Variants in CDKL3 observed in about 807,000 individuals in gnomAD.
CDKL3 encodes the protein cyclin dependent kinase like 3, also known as cyclin-dependent kinase-like 3.
In CDKL3, 65 loss-of-function variants were observed where a neutral mutation model predicts 69.3. That is an observed-to-expected ratio of 0.94 (90% CI 0.77 to 1.15). The LOEUF is 1.15. Among genes scored for constraint, CDKL3 ranks in the 50% most tolerant of loss-of-function variants. The pLI is 0.00. For synonymous variants in CDKL3, 202 were observed against 221.6 expected (o/e 0.91, Z 0.79); for missense variants, 652 against 689.2 (o/e 0.95, Z 0.61).
At chr5:134,294,689 G>C (rs1047788660), downstream of CDKL3, among the ~76,000 whole-genome samples, 3 of 151,806 alleles carry the variant, frequency 2.0e-5, no homozygotes, top group African/African-American at 7.3e-5. Context: ...AAGGAAGGAA[G>C]GGAGGGAGTC....
rs1389779307 is a variant in CDKL3 at position 134,340,105 on chromosome 5, G to A, written c.539+10144C>T. On this transcript the variant is annotated intron_variant, in intron 4 of 12. Coordinates refer to ENST00000265334, the MANE Select transcript of CDKL3 (RefSeq NM_001113575.2). ...GGAAGTCAAGGCTGCAGTGATCCGA[G>A]ATCACACCACTGCATTCCAGCCTGA... is the stretch of plus-strand genomic sequence containing the variant. Among the ~76,000 whole-genome samples, 5 of 152,080 alleles carry A rather than the reference G, an allele frequency of 3.3e-5. No homozygotes were observed. In the East Asian group the frequency reaches 9.7e-4, roughly 29 times the overall value.
At chr5:134,335,637 T>C (rs999911206) in intron 4 of CDKL3, among the ~76,000 whole-genome samples, 3 of 152,140 alleles carry the variant, frequency 2.0e-5, no homozygotes, top group Admixed American at 6.6e-5. Flanking sequence ...TATAAGAACG[T>C]TGAATATTGG....
intron 12 of CDKL3, chr5:134,302,174 T>C (rs748251124): frequency 4.4e-6 from 2 of 456,188 alleles, no homozygotes; most frequent in South Asian, 1.5e-5. Context: ...TTTGTGAAAA[T>C]AGGACAGCAG....
intron 12 of CDKL3, among the ~76,000 whole-genome samples, chr5:134,301,693 A>C (rs1766378231): frequency 6.6e-6 from 1 of 152,078 alleles, no homozygotes. Flanking sequence ...CATCCTGGCT[A>C]ACACAGTGAA....
chr5:134,314,225 T>C (rs1770391946), intron 6 of CDKL3, among the ~76,000 whole-genome samples: 1 of 152,158 alleles, frequency 6.6e-6, no homozygotes, highest in Admixed American at 6.6e-5. Context: ...TAGAATATAA[T>C]GGTAATCTAT....
chr5:134,350,814 TAAAAAAAGA>T (rs911605515), intron 3 of CDKL3, among the ~76,000 whole-genome samples: 2 of 76,626 alleles, frequency 2.6e-5, no homozygotes, highest in Non-Finnish European at 5.3e-5. Context: ...ACCCTGTCTC[TAAAAAAAGA>T]AAAAAAAGAA....
chr5:134,314,814 A>G (rs2149465547), intron 6 of CDKL3, among the ~76,000 whole-genome samples: 1 of 152,298 alleles, frequency 6.6e-6, no homozygotes, highest in East Asian at 1.9e-4. Flanking sequence ...GGAAGAAAAG[A>G]TGAATTGTAA....
At position 134,308,604 on chromosome 5, in the gene CDKL3, A is replaced by T. The variant is rs372848045; in HGVS notation, c.1005T>A (p.Asn335Lys). ...CCAAAACTGAACTACTTAGCAGTGT[A>T]TTGGTATAAACTGTTTTTCTTTCAT... ...RKDERKTVYT[N>K]TLLSSSVLGK... The change falls in exon 8 of 13, where the codon AAT (asparagine) becomes AAA (lysine). Residue 335 changes from asparagine to lysine, a missense_variant. Physicochemically the swap from Asn to Lys is moderately conservative, Grantham distance 94 (BLOSUM62 0). Coordinates refer to ENST00000265334, the MANE Select transcript of CDKL3 (RefSeq NM_001113575.2). 6.2e-7 allele frequency: 1 copy of T among 1,602,360 alleles called. No homozygotes were observed. The highest frequency in any genetic ancestry group is 1.3e-5 in the African/African-American group (1 of 74,182).
intron 8 of CDKL3, among the ~76,000 whole-genome samples, chr5:134,291,595 T>C (rs1308249341): frequency 6.6e-6 from 1 of 152,248 alleles, no homozygotes; most frequent in African/African-American, 2.4e-5. Context: ...GCCAATATGG[T>C]GAAACCTCGT....
In CDKL3 at chr5:134,366,480, T is replaced by G. The variant is rs375809483; in HGVS notation, c.44A>C (p.Tyr15Ser). Residue 15 changes from tyrosine to serine, a missense_variant, in exon 2 of 13, where the codon TAC (tyrosine) becomes TCC (serine). Tyr to Ser is a moderately radical substitution (Grantham distance 144). Transcript: ENST00000265334. ...ETLGKVGEGS[Y>S]GTVMKCKHKN... is the part of the protein sequence containing the mutation. ...ATGTTTACATTTCATGACTGTTCCG[T>G]AACTTCCCTCTCCCACTTTTCCAAG... is the stretch of plus-strand genomic sequence containing the variant. 23 of 1,608,928 alleles carry G rather than the reference T, an allele frequency of 1.4e-5. No homozygotes were observed. In the African/African-American group the frequency reaches 2.7e-4, roughly 19 times the overall value.
At chr5:134,320,937 G>A (rs1363084249) in intron 5 of CDKL3, among the ~76,000 whole-genome samples, 1 of 150,022 alleles carries the variant, frequency 6.7e-6, no homozygotes, top group Non-Finnish European at 1.5e-5. Flanking sequence ...CACATTCAAG[G>A]CTAACCATCA....
rs1268124825 is a variant in CDKL3, at chr5:134,338,826, A to C, written c.539+11423T>G. Among the ~76,000 whole-genome samples, 4 of 152,154 alleles carry C rather than the reference A, an allele frequency of 2.6e-5. No homozygotes were observed. In the South Asian group the frequency reaches 6.2e-4, roughly 24 times the overall value. On this transcript the variant is annotated intron_variant, in intron 4 of 12. Transcript: ENST00000265334. ...AACATGAGACAAACACAAAAAACTAAAATGGCAGATGTAATTACAACTACG... is the reference window on the plus strand; with the variant it reads ...AACATGAGACAAACACAAAAAACTACAATGGCAGATGTAATTACAACTACG...
chr5:134,349,748 G>A (rs961822058), intron 4 of CDKL3, among the ~76,000 whole-genome samples: 1 of 152,186 alleles, frequency 6.6e-6, no homozygotes, highest in African/African-American at 2.4e-5. Context: ...CGTAGCAGTA[G>A]CAGTAGCCAG....
intron 8 of CDKL3, among the ~76,000 whole-genome samples, chr5:134,288,224 C>A (rs1764961869): frequency 6.6e-6 from 1 of 152,174 alleles, no homozygotes; most frequent in African/African-American, 2.4e-5. Context: ...TCCACTAACA[C>A]TCAAAAACTC....
intron 4 of CDKL3, among the ~76,000 whole-genome samples, chr5:134,344,283 A>G (rs975827446): frequency 6.6e-5 from 10 of 152,226 alleles, no homozygotes; most frequent in African/African-American, 2.4e-4. Flanking sequence ...CAACAAAAGA[A>G]ACAGATAAAT....
intron 12 of CDKL3, among the ~76,000 whole-genome samples, chr5:134,300,340 A>G (rs1766012775): frequency 6.6e-6 from 1 of 152,048 alleles, no homozygotes; most frequent in Admixed American, 6.6e-5. Context: ...CTCTGTCTCA[A>G]TAAATAAATA....
At chr5:134,316,299 CA>C (rs2149470795) in intron 6 of CDKL3, among the ~76,000 whole-genome samples, 1 of 152,224 alleles carries the variant, frequency 6.6e-6, no homozygotes, top group African/African-American at 2.4e-5. Context: ...TGCATATAGA[CA>C]AATACTAAAA....
intron 8 of CDKL3, among the ~76,000 whole-genome samples, chr5:134,287,138 A>G (rs2149402813): frequency 6.6e-6 from 1 of 152,234 alleles, no homozygotes; most frequent in African/African-American, 2.4e-5. Context: ...AAATGATGAC[A>G]TGTGACAAAA....
At chr5:134,299,429 A>G in intron 12 of CDKL3, 1 of 1,018,370 alleles carries the variant, frequency 9.8e-7, no homozygotes, top group Non-Finnish European at 1.3e-6. Flanking sequence ...ATAAAATTAT[A>G]TGACTAAATG....
Sources: gnomAD v4.1 joint callset for allele counts (sites outside exome capture counted in the v4.1 genomes callset) on GRCh38, gnomAD v4.1.1 for gene constraint, MANE v1.5 for transcripts, NCBI Gene and HGNC (gene_info 2026-07-23, HGNC 2026-07-21) for gene names.